The following PTPRK variants were observed in gnomAD, a reference collection of about 807,000 sequenced individuals.
PTPRK encodes protein tyrosine phosphatase receptor type K, also known as receptor-type tyrosine-protein phosphatase kappa.
PTPRK carries 75 observed loss-of-function variants against 178.0 expected under a neutral mutation model. The observed-to-expected ratio is 0.42, with a 90% CI of 0.35 to 0.51. The LOEUF is 0.51. Among genes scored for constraint, PTPRK ranks in the 20% least tolerant of loss-of-function variants. The probability of loss-of-function intolerance (pLI) is 0.02; values close to 1 mark genes in which losing one functional copy is unlikely to be tolerated. For missense variants in PTPRK, 1,441 were observed against 1,797.8 expected, an observed-to-expected ratio of 0.80 and a Z score of 3.59; for synonymous variants, 637 against 620.6, an observed-to-expected ratio of 1.03 and a Z score of -0.39.
rs919469964 is a variant in PTPRK at position 128,027,600 on chromosome 6, G to GT, written c.2195-18333dup. On this transcript the variant is annotated intron_variant, in intron 13 of 29. Coordinates refer to ENST00000368226, the MANE Select transcript of PTPRK (RefSeq NM_002844.4). ...CAAGCACTTATGAGGCTTGTTGTAT[G>GT]TTTTTTTTTTCCTTTGAGACAGAGT... Among the ~76,000 whole-genome samples the GT allele has an allele frequency of 6.4e-4, 95 of 149,454 alleles. 1 individual carries two copies. The highest frequency in any genetic ancestry group is 1.8e-3 in the African/African-American group (74 of 40,862).
intron 29 of PTPRK, among the ~76,000 whole-genome samples, chr6:127,972,697 C>A (rs1046825655): frequency 6.6e-6 from 1 of 152,090 alleles, no homozygotes; most frequent in African/African-American, 2.4e-5. Flanking sequence ...AGACATACAG[C>A]CTTGATATAG....
chr6:128,515,288 T>C (rs1448395619), intron 1 of PTPRK, among the ~76,000 whole-genome samples: 6 of 152,176 alleles, frequency 3.9e-5, no homozygotes, highest in Non-Finnish European at 8.8e-5. Flanking sequence ...TTTGCTTCAA[T>C]TGAAATAAAA....
chr6:128,168,428 G>T (rs1045475311), intron 7 of PTPRK, among the ~76,000 whole-genome samples: 2 of 152,010 alleles, frequency 1.3e-5, no homozygotes, highest in African/African-American at 4.8e-5. Flanking sequence ...GGAGATATCT[G>T]TACTCCCATG....
Position 127,983,360 on chromosome 6 carries a change from G to C in PTPRK, c.3269C>G (p.Thr1090Ser). ...VVHCSAGAGRTGCYIVIDIML... is the reference protein window; with the variant it reads ...VVHCSAGAGRSGCYIVIDIML... ...GATGTCAATCACAATGTAGCAGCCA[G>C]TTCGTCCAGCACCAGCACTGAAAAA... Residue 1090 changes from threonine to serine, a missense_variant, in exon 23 of 30, where the codon ACT (threonine) becomes AGT (serine). Transcript: ENST00000368226. The C allele has an allele frequency of 1.2e-6, 2 of 1,613,628 alleles. No individual in the cohort carries two copies. Among genetic ancestry groups the C allele is most frequent in the Non-Finnish European group, 1.7e-6 (2 of 1,179,732 alleles).
intron 7 of PTPRK, among the ~76,000 whole-genome samples, chr6:128,157,171 A>C (rs1180481600): frequency 6.6e-6 from 1 of 151,994 alleles, no homozygotes; most frequent in African/African-American, 2.4e-5. Context: ...GATCACAGGA[A>C]GTTGTTCCAG....
intron 2 of PTPRK, among the ~76,000 whole-genome samples, chr6:128,368,161 A>C (rs1835780666): frequency 6.6e-6 from 1 of 152,146 alleles, no homozygotes; most frequent in South Asian, 2.1e-4. Context: ...ATGAAAAGCA[A>C]AGGCTCACAC....
intron 5 of PTPRK, among the ~76,000 whole-genome samples, chr6:128,229,335 A>G (rs759992558): frequency 6.6e-6 from 1 of 152,242 alleles, no homozygotes; most frequent in Non-Finnish European, 1.5e-5. Flanking sequence ...GTGTGGAAAT[A>G]AAATGTAACT....
chr6:128,356,753 C>T (rs896738149), intron 2 of PTPRK, among the ~76,000 whole-genome samples: 9 of 152,206 alleles, frequency 5.9e-5, no homozygotes, highest in Admixed American at 3.3e-4. Flanking sequence ...CATAAATTTA[C>T]ATTTCTACTT....
intron 3 of PTPRK, among the ~76,000 whole-genome samples, chr6:128,265,005 C>A (rs1220858388): frequency 6.6e-6 from 1 of 152,132 alleles, no homozygotes; most frequent in Non-Finnish European, 1.5e-5. Context: ...AACTGTAAGT[C>A]CATTAAAGCA....
chr6:128,320,987 C>CA (rs1282095933), intron 3 of PTPRK: 1 of 152,074 alleles, frequency 6.6e-6, no homozygotes, highest in East Asian at 1.9e-4. Context: ...CCTGTGGAAC[C>CA]ATGCCTACAA....
intron 1 of PTPRK, among the ~76,000 whole-genome samples, chr6:128,510,105 C>A (rs1461750527): frequency 6.6e-6 from 1 of 152,144 alleles, no homozygotes; most frequent in Non-Finnish European, 1.5e-5. Context: ...CGAAAACAAG[C>A]CTCCAGTGAC....
chr6:128,344,064 T>C lies in PTPRK; in HGVS notation c.224-21754A>G, dbSNP rs548824266. 1.6e-4 allele frequency among the ~76,000 whole-genome samples: 25 copies of C among 152,304 alleles called. 1 individual carries two copies. The highest frequency in any genetic ancestry group is 6.8e-3 in the Middle Eastern group (2 of 294). On this transcript the variant is annotated intron_variant, in intron 2 of 29. Transcript: ENST00000368226. ...CTTATAGGAATGTTGGGGCCATACA[T>C]AGAACATGTTTATTCTATCAAGTGT...
At chr6:128,304,475 A>G (rs1826086301) in intron 3 of PTPRK, among the ~76,000 whole-genome samples, 1 of 152,222 alleles carries the variant, frequency 6.6e-6, no homozygotes, top group African/African-American at 2.4e-5. Context: ...AAAATGCATA[A>G]AACATTTAAG....
At chr6:128,451,768 T>A (rs1480205866) in intron 1 of PTPRK, among the ~76,000 whole-genome samples, 1 of 152,156 alleles carries the variant, frequency 6.6e-6, no homozygotes. Context: ...TTGATAGACA[T>A]AATCCACATA....
chr6:128,241,428 G>A lies in PTPRK; in HGVS notation c.577+1093C>T, dbSNP rs1041135347. 12 of 415,572 alleles carry A rather than the reference G, an allele frequency of 2.9e-5. No homozygotes were observed. In the East Asian group the frequency reaches 4.5e-4, roughly 16 times the overall value. The allele number at this position is 415,572 out of a possible 1,614,324, so 25.7% of individuals were successfully genotyped here. A position where few individuals can be genotyped will look rare whatever the true frequency, so the allele number is the denominator to read the frequency against. ...ATTTACCACAGCTGTAGGTGATTCCGAAGCACACTAGAGTTTGACAACCAC... is the reference window on the plus strand; with the variant it reads ...ATTTACCACAGCTGTAGGTGATTCCAAAGCACACTAGAGTTTGACAACCAC... On this transcript the variant is annotated intron_variant, in intron 4 of 29. Coordinates refer to ENST00000368226, the MANE Select transcript of PTPRK (RefSeq NM_002844.4).
At chr6:128,265,575 A>C (rs1309501493) in intron 3 of PTPRK, among the ~76,000 whole-genome samples, 1 of 152,114 alleles carries the variant, frequency 6.6e-6, no homozygotes, top group Non-Finnish European at 1.5e-5. Flanking sequence ...GCAGCACCAG[A>C]TTCTAACCCA....
At chr6:128,193,562 T>G (rs1484392261) in intron 6 of PTPRK, among the ~76,000 whole-genome samples, 1 of 152,078 alleles carries the variant, frequency 6.6e-6, no homozygotes, top group African/African-American at 2.4e-5. Flanking sequence ...CTCTTCATAT[T>G]CAACAATGAT....
intron 1 of PTPRK, among the ~76,000 whole-genome samples, chr6:128,425,775 G>C (rs566335529): frequency 6.6e-6 from 1 of 152,146 alleles, no homozygotes; most frequent in East Asian, 1.9e-4. Context: ...AGCTTCCATG[G>C]ATCCACCCAC....
In PTPRK at chr6:127,998,827, G is replaced by T; in HGVS notation, c.2572C>A (p.Pro858Thr). ...GGATGCAGCTGTCCTGTCTGGTAAG[G>T]GGATTCCGTCCCCTCACAGAGGTAG... ...PRYLCEGTES[P>T]YQTGQLHPAI... The change falls in exon 16 of 30, where the codon CCT becomes ACT. Residue 858 changes from proline (P) to threonine (T), a missense_variant. Physicochemically the swap from Pro to Thr is conservative, Grantham distance 38. Transcript: ENST00000368226. 6.2e-7 allele frequency: 1 copy of T among 1,609,796 alleles called. No individual in the cohort carries two copies. Among genetic ancestry groups the T allele is most frequent in the Non-Finnish European group, 8.5e-7 (1 of 1,177,374 alleles).
Sources: allele counts gnomAD v4.1 joint callset (sites outside exome capture counted in the v4.1 genomes callset), GRCh38; gene constraint gnomAD v4.1.1; transcripts MANE v1.5; gene names NCBI Gene and HGNC (gene_info 2026-07-23, HGNC 2026-07-21).